PTPRD: variants seen among roughly 807,000 people sequenced by gnomAD.
PTPRD encodes protein tyrosine phosphatase receptor type D, also known as receptor-type tyrosine-protein phosphatase delta.
A neutral mutation model predicts 214.5 loss-of-function variants in PTPRD; 34 were observed. The observed-to-expected ratio is 0.16, with a 90% CI of 0.12 to 0.21. The LOEUF is 0.21. Among genes scored for constraint, PTPRD ranks in the 10% least tolerant of loss-of-function variants. The pLI is 1.00. For missense variants in PTPRD, 2,545 were observed against 2,398.7 expected (o/e 1.06, Z -1.27); for synonymous variants, 1,128 against 845.7 (o/e 1.33, Z -5.79).
intron 10 of PTPRD, among the ~76,000 whole-genome samples, chr9:9,122,444 T>A (rs1372629183): frequency 6.6e-6 from 1 of 152,232 alleles, no homozygotes; most frequent in Admixed American, 6.5e-5. Context: ...AATTTATGAA[T>A]GCAGAATTAG....
At chr9:10,333,710 A>G (rs2096792989) in intron 3 of PTPRD, among the ~76,000 whole-genome samples, 1 of 151,804 alleles carries the variant, frequency 6.6e-6, no homozygotes, top group Non-Finnish European at 1.5e-5. Context: ...AGTTTATTTG[A>G]TTCTTGCAAA....
Position 9,074,033 on chromosome 9 carries a change from A to G in PTPRD, c.-142-55298T>C, listed in dbSNP as rs545215740. Among the ~76,000 whole-genome samples the G allele has an allele frequency of 2.0e-5, 3 of 152,228 alleles. No homozygotes were observed. The South Asian group carries it at 6.2e-4, about 32-fold the overall frequency. On this transcript the variant is annotated intron_variant, in intron 10 of 45. Transcript: ENST00000381196. Reference sequence around the variant, plus strand: ...TCAAGTGGGTAGCATAGTGCCTGACACACCTAAGATTTCATTAAATAGAAG... The same window carrying G: ...TCAAGTGGGTAGCATAGTGCCTGACGCACCTAAGATTTCATTAAATAGAAG...
chr9:9,129,123 C>T (rs1008707068), intron 10 of PTPRD, among the ~76,000 whole-genome samples: 8 of 152,232 alleles, frequency 5.3e-5, no homozygotes, highest in Non-Finnish European at 1.2e-4. Flanking sequence ...GGCGCAGTGG[C>T]TCACGCCTGT....
At chr9:9,609,520 T>A (rs1250135780) in intron 7 of PTPRD, among the ~76,000 whole-genome samples, 1 of 152,192 alleles carries the variant, frequency 6.6e-6, no homozygotes, top group African/African-American at 2.4e-5. Context: ...TAGAGTGCAG[T>A]GGTGCAATCT....
chr9:8,455,842 C>T (rs928056007), intron 33 of PTPRD, among the ~76,000 whole-genome samples: 2 of 152,086 alleles, frequency 1.3e-5, no homozygotes, highest in African/African-American at 4.8e-5. Flanking sequence ...GATGGAAAAC[C>T]ATCTAGTGAA....
At chr9:10,401,625 A>G (rs889464782) in intron 2 of PTPRD, among the ~76,000 whole-genome samples, 3 of 148,332 alleles carry the variant, frequency 2.0e-5, no homozygotes, top group Admixed American at 6.7e-5. Context: ...GTATATCTAT[A>G]GTATTAAATT....
intron 10 of PTPRD, among the ~76,000 whole-genome samples, chr9:9,149,443 A>G (rs1316290002): frequency 6.6e-6 from 1 of 152,198 alleles, no homozygotes; most frequent in East Asian, 1.9e-4. Flanking sequence ...AGATCAGATT[A>G]TTCACTAGAC....
intron 11 of PTPRD, among the ~76,000 whole-genome samples, chr9:8,845,442 T>A (rs933345174): frequency 1.2e-4 from 18 of 152,188 alleles, no homozygotes; most frequent in Admixed American, 1.2e-3. Context: ...ATTCAAGACT[T>A]TACAAGGCCC....
intron 9 of PTPRD, among the ~76,000 whole-genome samples, chr9:9,341,963 C>G (rs2046976448): frequency 6.6e-6 from 1 of 152,036 alleles, no homozygotes; most frequent in African/African-American, 2.4e-5. Flanking sequence ...CATGTGCCAC[C>G]ATGCCCAGTT....
intron 8 of PTPRD, among the ~76,000 whole-genome samples, chr9:9,490,857 G>A (rs993132521): frequency 2.0e-5 from 3 of 151,100 alleles, no homozygotes; most frequent in Non-Finnish European, 4.4e-5. Flanking sequence ...AAAGACAGAG[G>A]TAAGTTATTC....
chr9:9,534,229 ATAT>A (rs1471757464), intron 8 of PTPRD, among the ~76,000 whole-genome samples: 1 of 152,138 alleles, frequency 6.6e-6, no homozygotes, highest in African/African-American at 2.4e-5. Context: ...ATGATGAGAA[ATAT>A]TATAGATATT....
chr9:9,435,218 C>T (rs891056397), intron 8 of PTPRD, among the ~76,000 whole-genome samples: 4 of 151,926 alleles, frequency 2.6e-5, no homozygotes, highest in Admixed American at 6.6e-5. Flanking sequence ...AACTTTAAAA[C>T]GCCAGGACCC....
At chr9:8,607,166 C>T (rs751465895) in intron 14 of PTPRD, among the ~76,000 whole-genome samples, 10 of 151,820 alleles carry the variant, frequency 6.6e-5, no homozygotes, top group South Asian at 2.1e-4. Context: ...GCTAAGAGGG[C>T]GGATATAAAG....
chr9:8,983,522 C>A (rs569591658), intron 11 of PTPRD, among the ~76,000 whole-genome samples: 2 of 151,712 alleles, frequency 1.3e-5, no homozygotes, highest in East Asian at 1.9e-4. Flanking sequence ...CCCCTCCCCC[C>A]GCTTTTGTTT....
At chr9:9,524,975 A>G (rs2073739842) in intron 8 of PTPRD, among the ~76,000 whole-genome samples, 1 of 152,160 alleles carries the variant, frequency 6.6e-6, no homozygotes, top group African/African-American at 2.4e-5. Flanking sequence ...CTCCTGCCTC[A>G]GCCTCCCGAG....
intron 4 of PTPRD, among the ~76,000 whole-genome samples, chr9:10,019,306 G>C (rs953871237): frequency 2.0e-5 from 3 of 152,176 alleles, no homozygotes; most frequent in Non-Finnish European, 4.4e-5. Context: ...TGGAGAAATA[G>C]GAACACTTTT....
At chr9:8,602,148 A>G (rs1212254683) in intron 14 of PTPRD, among the ~76,000 whole-genome samples, 1 of 152,206 alleles carries the variant, frequency 6.6e-6, no homozygotes, top group Admixed American at 6.5e-5. Context: ...AATGTCCAAT[A>G]AACTGGTGAA....
intron 7 of PTPRD, among the ~76,000 whole-genome samples, chr9:9,578,522 C>A (rs1415884225): frequency 1.3e-5 from 2 of 151,796 alleles, no homozygotes; most frequent in Admixed American, 6.6e-5. Flanking sequence ...ATTTGGAAAC[C>A]TAAAAATTGG....
In PTPRD at chr9:9,799,164, T is replaced by G. The variant is rs573611053; in HGVS notation, c.-367-32313A>C. Among the ~76,000 whole-genome samples, 3 of 152,280 alleles carry G rather than the reference T, an allele frequency of 2.0e-5. No homozygotes were observed. In the South Asian group the frequency reaches 6.2e-4, roughly 32 times the overall value. The stretch of plus-strand genomic sequence containing the variant: ...TAAAAATAAATGCAATTAACTTCCA[T>G]ATAGCAAATAAATGAGATAGGTTTG... On this transcript the variant is annotated intron_variant, in intron 5 of 45. Transcript: ENST00000381196.
Sources: allele counts gnomAD v4.1 joint callset (sites outside exome capture counted in the v4.1 genomes callset), GRCh38; gene constraint gnomAD v4.1.1; transcripts MANE v1.5; gene names NCBI Gene and HGNC (gene_info 2026-07-23, HGNC 2026-07-21).